GALNT9: variants seen among roughly 807,000 people sequenced by gnomAD.
The protein encoded by GALNT9 is polypeptide N-acetylgalactosaminyltransferase 9.
In GALNT9, 47 loss-of-function variants were observed where a neutral mutation model predicts 63.1. That is an observed-to-expected ratio of 0.75 (90% CI 0.59 to 0.95). GALNT9 has a LOEUF of 0.95. Among genes scored for constraint, GALNT9 ranks in the 40% least tolerant of loss-of-function variants. GALNT9 has a pLI of 0.00. For missense variants in GALNT9, 829 were observed against 874.8 expected (o/e 0.95, Z 0.66); for synonymous variants, 396 against 365.7 (o/e 1.08, Z -0.94).
At chr12:132,273,447 C>T (rs1555240930) in intron 2 of GALNT9, 1 of 152,408 alleles carries the variant, frequency 6.6e-6, no homozygotes, top group African/African-American at 2.4e-5. Flanking sequence ...CGCCCCACTT[C>T]AATGGTGGCA....
chr12:132,312,661 A>C (rs1387045822), intron 1 of GALNT9, among the ~76,000 whole-genome samples: 1 of 152,214 alleles, frequency 6.6e-6, no homozygotes, highest in African/African-American at 2.4e-5. Context: ...ACAGGAGGAG[A>C]CCTCAGGAAC....
chr12:132,263,555 A>T (rs1391938428), intron 2 of GALNT9, among the ~76,000 whole-genome samples: 1 of 152,086 alleles, frequency 6.6e-6, no homozygotes, highest in African/African-American at 2.4e-5. Flanking sequence ...GTCCTGTCCC[A>T]TGGGGTGGCC....
chr12:132,281,333 G>A (rs969058739), intron 2 of GALNT9, among the ~76,000 whole-genome samples: 3 of 152,220 alleles, frequency 2.0e-5, no homozygotes, highest in Admixed American at 2.0e-4. Flanking sequence ...GGCAGGGCTC[G>A]TGAGGGGCAG....
chr12:132,223,162 C>A (rs1387473975), intron 6 of GALNT9, among the ~76,000 whole-genome samples: 6 of 27,726 alleles, frequency 2.2e-4, no homozygotes, highest in Non-Finnish European at 3.9e-4. Flanking sequence ...AACCCACACA[C>A]CACACAACCC....
chr12:132,203,486 C>T lies in GALNT9; in HGVS notation c.1263+19G>A, dbSNP rs201212951. 581 of 1,612,066 alleles carry T rather than the reference C, an allele frequency of 3.6e-4. 3 individuals carry two copies. The highest frequency in any genetic ancestry group is 2.3e-3 in the Middle Eastern group (14 of 6,038). On this transcript the variant is annotated intron_variant, in intron 7 of 10. Transcript: ENST00000328957. Reference sequence around the variant, plus strand: ...GACCCTGGGGCATGGCCCCGGCTCCCGGCCTGTGGGGGACTCACCGACATG... The same window carrying T: ...GACCCTGGGGCATGGCCCCGGCTCCTGGCCTGTGGGGGACTCACCGACATG...
In GALNT9 at chr12:132,261,004, C is replaced by T. The variant is rs201089693; in HGVS notation, c.705G>A (p.Ala235=). The stretch of plus-strand genomic sequence containing the variant: ...AGAAGCCGACGACTGGGGCGGTGGC[C>T]GCCTTCCAGCCCTGCAGCCGCGCGC... ...LIRARLQGWK[A]ATAPVVGFFD... is the part of the protein sequence containing the mutation. Residue 235 remains alanine, a synonymous_variant, in exon 4 of 11, where the codon GCG becomes GCA. Coordinates refer to ENST00000328957, the MANE Select transcript of GALNT9 (RefSeq NM_001122636.2). 1,838 of 1,548,476 alleles carry T rather than the reference C, an allele frequency of 1.2e-3. 1 individual carries two copies. The highest frequency in any genetic ancestry group is 1.9e-3 in the South Asian group (159 of 83,750).
chr12:132,209,420 T>G (rs945904945), intron 6 of GALNT9, among the ~76,000 whole-genome samples: 2 of 152,012 alleles, frequency 1.3e-5, no homozygotes, highest in African/African-American at 4.8e-5. Flanking sequence ...CATGGTGGCG[T>G]GCACCTGTAG....
intron 1 of GALNT9, among the ~76,000 whole-genome samples, chr12:132,300,296 G>A (rs1306130697): frequency 1.6e-4 from 19 of 115,224 alleles, no homozygotes; most frequent in South Asian, 5.8e-4. Context: ...CCCCTGAGAT[G>A]ACCAAGCCAC....
At position 132,199,194 on chromosome 12, in the gene GALNT9, AG is replaced by A; in HGVS notation, c.1476del (p.Cys493AlafsTer45). ...AEDGDRAILY[P>X]CHGMSSQLVR... ...CCTACCTGGGAGGACATCCCGTGGC[AG>A]GGGTAGAGGATCGCCCGGTCGCCGT... On this transcript the variant is annotated frameshift_variant, in exon 9 of 11. Transcript: ENST00000328957. LOFTEE classifies it high-confidence loss of function. 6.2e-7 allele frequency: 1 copy of A among 1,602,504 alleles called. No homozygotes were observed.
intron 1 of GALNT9, among the ~76,000 whole-genome samples, chr12:132,287,071 C>T (rs1411055346): frequency 9.0e-6 from 1 of 111,458 alleles, no homozygotes; most frequent in African/African-American, 3.1e-5. Flanking sequence ...CCCCCCCCCC[C>T]CCCGTGAGCC....
intron 2 of GALNT9, among the ~76,000 whole-genome samples, chr12:132,267,051 T>G (rs571206052): frequency 6.6e-6 from 1 of 152,238 alleles, no homozygotes; most frequent in South Asian, 2.1e-4. Context: ...GGATGTGCGG[T>G]TGAGCTCTCT....
intron 1 of GALNT9, among the ~76,000 whole-genome samples, chr12:132,302,628 G>A (rs1881342781): frequency 6.6e-6 from 1 of 152,230 alleles, no homozygotes. Context: ...CAGAGCTCAT[G>A]CCCCATCATG....
intron 1 of GALNT9, among the ~76,000 whole-genome samples, chr12:132,305,134 G>A (rs1208202277): frequency 2.3e-4 from 5 of 21,278 alleles, no homozygotes; most frequent in South Asian, 2.4e-3. Flanking sequence ...CCCGGGCACA[G>A]CCTCGCCCGG....
rs1000127849 is a variant in GALNT9 at position 132,316,827 on chromosome 12, C to T, written c.238+12139G>A. ...GAGACCTGGGCAGGTTTGGCTGTCA[C>T]ACCTGGGGAGGGGTGGGGCAGCTAC... On this transcript the variant is annotated intron_variant, in intron 1 of 10. Coordinates refer to ENST00000328957, the MANE Select transcript of GALNT9 (RefSeq NM_001122636.2). This position sits in a 1 kb window ranked among gnomAD's most constrained non-coding sequence, Gnocchi z 4.3. 1.3e-5 allele frequency among the ~76,000 whole-genome samples: 2 copies of T among 151,978 alleles called. No homozygotes were observed. The highest frequency in any genetic ancestry group is 4.8e-5 in the African/African-American group (2 of 41,302).
chr12:132,266,364 A>G (rs561797308), intron 2 of GALNT9, among the ~76,000 whole-genome samples: 1 of 152,338 alleles, frequency 6.6e-6, no homozygotes, highest in East Asian at 1.9e-4. Context: ...CTTGCTCTCA[A>G]ATTCTTTTGT....
intron 8 of GALNT9, 132 bp downstream of exon 8, chr12:132,200,992 G>T: frequency 3.4e-6 from 3 of 888,044 alleles, no homozygotes; most frequent in Non-Finnish European, 5.2e-6. Flanking sequence ...CGGGCCGAGT[G>T]GGACCCTCTG....
At position 132,291,066 on chromosome 12, in the gene GALNT9, CACA is replaced by C. The variant is rs1187551040; in HGVS notation, c.239-4639_239-4637del. 2.2e-4 allele frequency among the ~76,000 whole-genome samples: 18 copies of C among 82,496 alleles called. 1 individual carries two copies. The highest frequency in any genetic ancestry group is 7.4e-4 in the African/African-American group (18 of 24,404). 54.1% of individuals were successfully genotyped at this position (82,496 alleles called of 152,430 possible). ...CCACAGCGCCCACATCCTCAGCACC[CACA>C]ACCACAGCACCCACGTCCACATCAC... On this transcript the variant is annotated intron_variant, in intron 1 of 10. Coordinates refer to ENST00000328957, the MANE Select transcript of GALNT9 (RefSeq NM_001122636.2).
rs1326901062 is a variant in GALNT9, at chr12:132,316,534, A to G, written c.238+12432T>C. Among the ~76,000 whole-genome samples, 2 of 151,880 alleles carry G rather than the reference A, an allele frequency of 1.3e-5. No homozygotes were observed. The highest frequency in any genetic ancestry group is 4.8e-5 in the African/African-American group (2 of 41,274). On this transcript the variant is annotated intron_variant, in intron 1 of 10. Coordinates refer to ENST00000328957, the MANE Select transcript of GALNT9 (RefSeq NM_001122636.2). The surrounding 1 kb of genome is among the most constrained non-coding windows in gnomAD (Gnocchi z 4.3). ...AGGAGCACCCGAGCTTCCCACCCTAACCACCTGTGCTCAGGGAATGGCCGT... is the reference window on the plus strand; with the variant it reads ...AGGAGCACCCGAGCTTCCCACCCTAGCCACCTGTGCTCAGGGAATGGCCGT...
Position 132,246,775 on chromosome 12 carries a change from C to A in GALNT9, c.1077+1135G>T, listed in dbSNP as rs1878719341. Among the ~76,000 whole-genome samples, 1 of 152,330 alleles carries A rather than the reference C, an allele frequency of 6.6e-6. No homozygotes were observed. The highest frequency in any genetic ancestry group is 2.1e-4 in the South Asian group (1 of 4,826). On this transcript the variant is annotated intron_variant, in intron 6 of 10. Coordinates refer to ENST00000328957, the MANE Select transcript of GALNT9 (RefSeq NM_001122636.2). The surrounding 1 kb of genome is among the most constrained non-coding windows in gnomAD (Gnocchi z 4.7). ...CTCGAACTTCTGACCTCATGATCCACCCACCTCTGCCTCCCACAGTGTTGG... is the reference window on the plus strand; with the variant it reads ...CTCGAACTTCTGACCTCATGATCCAACCACCTCTGCCTCCCACAGTGTTGG...
Sources: allele counts gnomAD v4.1 joint callset (sites outside exome capture counted in the v4.1 genomes callset), GRCh38; gene constraint gnomAD v4.1.1; non-coding constraint Gnocchi (gnomAD v3.1); transcripts MANE v1.5; gene names NCBI Gene and HGNC (gene_info 2026-07-23, HGNC 2026-07-21).